SPATA22: variants seen among roughly 807,000 people sequenced by gnomAD.
SPATA22 encodes the protein spermatogenesis associated 22, also known as spermatogenesis-associated protein 22.
Under a neutral mutation model 47.8 loss-of-function variants are expected in SPATA22, and 29 were observed. The ratio of observed to expected loss-of-function variants is 0.61; its 90% CI spans 0.45 to 0.83. The LOEUF is 0.83. Among genes scored for constraint, SPATA22 ranks in the 40% least tolerant of loss-of-function variants. The probability of loss-of-function intolerance (pLI) is 0.00; values close to 1 mark genes in which losing one functional copy is unlikely to be tolerated. For missense variants in SPATA22, 410 were observed against 421.7 expected, an observed-to-expected ratio of 0.97 and a Z score of 0.24; for synonymous variants, 133 against 140.9, an observed-to-expected ratio of 0.94 and a Z score of 0.40.
At chr17:3,446,813 G>A (rs1163003145) in intron 6 of SPATA22, among the ~76,000 whole-genome samples, 1 of 151,986 alleles carries the variant, frequency 6.6e-6, no homozygotes, top group African/African-American at 2.4e-5. Flanking sequence ...ACAATCAAGA[G>A]GAGAATTATT....
intron 1 of SPATA22, chr17:3,502,022 A>G (rs2073996819): frequency 6.6e-6 from 1 of 152,242 alleles, no homozygotes; most frequent in Non-Finnish European, 1.5e-5. Context: ...TTCATGCTAC[A>G]GAGAAATCTT....
intron 8 of SPATA22, among the ~76,000 whole-genome samples, chr17:3,442,731 C>T (rs1354400915): frequency 1.3e-5 from 2 of 151,944 alleles, no homozygotes; most frequent in South Asian, 2.1e-4. Context: ...ATCCTTCTTT[C>T]CCTCCCCAAC....
chr17:3,458,379 T>G (rs1481730083), intron 5 of SPATA22, among the ~76,000 whole-genome samples: 1 of 152,106 alleles, frequency 6.6e-6, no homozygotes, highest in African/African-American at 2.4e-5. Context: ...TTGGTGGAAA[T>G]GTAACTTGAT....
intron 6 of SPATA22, among the ~76,000 whole-genome samples, chr17:3,448,050 T>TGAGCTCTGATTGGAA (rs1201591617): frequency 6.6e-6 from 1 of 152,138 alleles, no homozygotes; most frequent in East Asian, 1.9e-4. Context: ...ATCAGAGCAC[T>TGAGCTCTGATTGGAA]GAGCGTAGAG....
intron 5 of SPATA22, among the ~76,000 whole-genome samples, chr17:3,461,643 A>C (rs2073127759): frequency 6.6e-6 from 1 of 152,200 alleles, no homozygotes; most frequent in Non-Finnish European, 1.5e-5. Flanking sequence ...CTAATTTTTA[A>C]ATAAAGATAT....
chr17:3,472,912 A>C (rs753584486), upstream of SPATA22, among the ~76,000 whole-genome samples: 3 of 152,206 alleles, frequency 2.0e-5, no homozygotes, highest in Non-Finnish European at 4.4e-5. Context: ...CTTTCAAGGA[A>C]TAGGGCCATC....
intron 5 of SPATA22, among the ~76,000 whole-genome samples, chr17:3,450,489 A>G (rs1290635421): frequency 6.6e-6 from 1 of 152,198 alleles, no homozygotes; most frequent in Admixed American, 6.5e-5. Context: ...ATTTTTTCCT[A>G]CACTGATCAC....
chr17:3,448,723 G>T, intron 6 of SPATA22, 84 bp downstream of exon 6: 1 of 957,554 alleles, frequency 1.0e-6, no homozygotes. Context: ...TATTTCAGGC[G>T]CTCTTATCTC....
At chr17:3,497,802 C>T (rs1034252821) in intron 1 of SPATA22, among the ~76,000 whole-genome samples, 7 of 152,158 alleles carry the variant, frequency 4.6e-5, no homozygotes, top group African/African-American at 1.2e-4. Context: ...CTGGGTGATG[C>T]GGATGCTGCT....
At chr17:3,504,845 C>T (rs898068477) in intron 1 of SPATA22, among the ~76,000 whole-genome samples, 2 of 152,114 alleles carry the variant, frequency 1.3e-5, no homozygotes, top group Non-Finnish European at 2.9e-5. Flanking sequence ...AGGCAGGAGC[C>T]GCCGCACCAG....
chr17:3,511,337 CTG>C (rs2074110789), intron 1 of SPATA22: 2 of 152,160 alleles, frequency 1.3e-5, no homozygotes, highest in Non-Finnish European at 2.9e-5. Context: ...GATGGAATAA[CTG>C]TGCTTTTTAA....
rs73311005 is a variant in SPATA22, at chr17:3,489,058, T to C, written c.-73-19660A>G. On this transcript the variant is annotated intron_variant, in intron 1 of 8. Coordinates refer to the SPATA22 transcript ENST00000541913. The stretch of plus-strand genomic sequence containing the variant: ...TATGCATCTAACTTAAACATGTAAA[T>C]GTTCTGCTTCACGTTTTGCCAAACA... Among the ~76,000 whole-genome samples the C allele has an allele frequency of 7.3e-3, 1,109 of 152,348 alleles. 14 individuals are homozygous for C. Among genetic ancestry groups the C allele is most frequent in the African/African-American group, 0.025 (1,025 of 41,580 alleles).
upstream of SPATA22, among the ~76,000 whole-genome samples, chr17:3,473,697 C>T (rs930982489): frequency 6.6e-6 from 1 of 152,106 alleles, no homozygotes; most frequent in Non-Finnish European, 1.5e-5. Flanking sequence ...GGGGTTTCAC[C>T]ATGTTGGCCA....
intron 5 of SPATA22, among the ~76,000 whole-genome samples, chr17:3,459,562 C>G (rs921685260): frequency 6.6e-6 from 1 of 152,142 alleles, no homozygotes; most frequent in Non-Finnish European, 1.5e-5. Context: ...TGCGCCACCA[C>G]GCCTGGCTAA....
At chr17:3,475,378 C>G (rs2073506030), upstream of SPATA22, 1 of 152,254 alleles carries the variant, frequency 6.6e-6, no homozygotes, top group African/African-American at 2.4e-5. Flanking sequence ...ATCACAAAAA[C>G]TTGAAAAGTA....
At chr17:3,480,072 C>T (rs1392580776) in intron 1 of SPATA22, among the ~76,000 whole-genome samples, 5 of 152,102 alleles carry the variant, frequency 3.3e-5, no homozygotes, top group African/African-American at 1.2e-4. Flanking sequence ...TGTCCCTGGA[C>T]CTCTAGTGGT....
rs1226034680 is a variant in SPATA22, at chr17:3,446,488, A to T, written c.786T>A (p.Leu262=). 6.2e-7 allele frequency: 1 copy of T among 1,605,954 alleles called. No homozygotes were observed. The highest frequency in any genetic ancestry group is 1.7e-5 in the Admixed American group (1 of 58,158). ...TTTACCTACCTAATACTTCAAAAAG[A>T]AGTACAGTTTTCTGTGCATGTTCAC... is the stretch of plus-strand genomic sequence containing the variant. ...YWREHAQKTV[L]LFEVLAVLDS... The change falls in exon 7 of 9, where the codon CTT becomes CTA. Residue 262 remains leucine (L), a synonymous_variant. Coordinates refer to ENST00000572969, the MANE Select transcript of SPATA22 (RefSeq NM_001170698.2).
intron 1 of SPATA22, among the ~76,000 whole-genome samples, chr17:3,487,247 G>C (rs2073740627): frequency 6.6e-6 from 1 of 152,140 alleles, no homozygotes; most frequent in African/African-American, 2.4e-5. Context: ...TATTCTTAGT[G>C]TATTATAAAA....
intron 1 of SPATA22, chr17:3,510,736 C>A (rs1281486932): frequency 6.6e-6 from 1 of 152,188 alleles, no homozygotes; most frequent in African/African-American, 2.4e-5. Context: ...TAAATCAATG[C>A]AGAAATCAAG....
Sources: allele counts gnomAD v4.1 joint callset (sites outside exome capture counted in the v4.1 genomes callset), GRCh38; gene constraint gnomAD v4.1.1; transcripts MANE v1.5; gene names NCBI Gene and HGNC (gene_info 2026-07-23, HGNC 2026-07-21).